The following ABCC6 variants were observed in gnomAD, a reference collection of about 807,000 sequenced individuals.
The protein encoded by ABCC6 is ATP-binding cassette sub-family C member 6.
ABCC6 carries 126 observed loss-of-function variants against 169.5 expected under a neutral mutation model. The observed-to-expected ratio is 0.74, with a 90% CI of 0.64 to 0.86. ABCC6 has a LOEUF of 0.86. Ranked by LOEUF, ABCC6 falls within the 40% of genes least tolerant of loss-of-function variation. The probability of loss-of-function intolerance (pLI) is 0.00; values close to 1 mark genes in which losing one functional copy is unlikely to be tolerated. For synonymous variants in ABCC6, 752 were observed against 814.7 expected (o/e 0.92, Z 1.31); for missense variants, 1,733 against 1,927.2 (o/e 0.90, Z 1.89).
chr16:16,159,424 T>C, intron 26 of ABCC6, 58 bp downstream of exon 26: 1 of 1,336,210 alleles, frequency 7.5e-7, no homozygotes. Flanking sequence ...CAGGGACCCA[T>C]TGCCCCCCCC....
chr16:16,193,599 AGCTACTCGAGAG>A (rs1396264470), intron 10 of ABCC6, among the ~76,000 whole-genome samples: 1 of 152,152 alleles, frequency 6.6e-6, no homozygotes, highest in East Asian at 1.9e-4. Flanking sequence ...CTGTGATCCC[AGCTACTCGAGAG>A]GCTGAGGCAG....
At chr16:16,167,629 T>C (rs1250887394) in intron 22 of ABCC6, among the ~76,000 whole-genome samples, 3 of 152,132 alleles carry the variant, frequency 2.0e-5, no homozygotes, top group Admixed American at 2.0e-4. Context: ...ACACCATGCC[T>C]GGCTAATTTT....
At chr16:16,220,138 T>C in intron 2 of ABCC6, 191 bp from the exon 3 acceptor site, 1 of 550,766 alleles carries the variant, frequency 1.8e-6, no homozygotes, top group Non-Finnish European at 3.3e-6. Context: ...TCCTGACCTG[T>C]AACTGTCATA....
intron 27 of ABCC6, chr16:16,155,585 C>T (rs1358763052): frequency 6.2e-6 from 1 of 162,350 alleles, no homozygotes; most frequent in Non-Finnish European, 1.4e-5. Context: ...CCATCCAGTC[C>T]ATCCTTCCCT....
At chr16:16,178,269 G>C (rs1311971190) in intron 18 of ABCC6, among the ~76,000 whole-genome samples, 1 of 152,116 alleles carries the variant, frequency 6.6e-6, no homozygotes, top group Non-Finnish European at 1.5e-5. Context: ...GGAGCTTCCA[G>C]TGAGCGGAGA....
intron 14 of ABCC6, among the ~76,000 whole-genome samples, chr16:16,185,973 T>G (rs1408794648): frequency 6.6e-6 from 1 of 152,196 alleles, no homozygotes; most frequent in Non-Finnish European, 1.5e-5. Context: ...CTATAACGAT[T>G]AACATGCCCA....
intron 12 of ABCC6, among the ~76,000 whole-genome samples, chr16:16,189,844 G>C (rs1032056469): frequency 1.3e-5 from 2 of 152,168 alleles, no homozygotes; most frequent in African/African-American, 4.8e-5. Flanking sequence ...CTGCTGGCCA[G>C]GATCAGGGAA....
At chr16:16,179,604 A>C (rs963025526) in intron 17 of ABCC6, among the ~76,000 whole-genome samples, 2 of 152,102 alleles carry the variant, frequency 1.3e-5, no homozygotes, top group Admixed American at 1.3e-4. Flanking sequence ...CGTTGTTATT[A>C]TTGAGATGGA....
chr16:16,199,967 G>A (rs1434222983), intron 9 of ABCC6, among the ~76,000 whole-genome samples: 2 of 151,748 alleles, frequency 1.3e-5, no homozygotes, highest in African/African-American at 4.8e-5. Context: ...ATTTGGGAGG[G>A]TGAGGCAGGA....
chr16:16,200,670 A>G (rs2152281044), intron 9 of ABCC6, among the ~76,000 whole-genome samples: 1 of 148,898 alleles, frequency 6.7e-6, no homozygotes. Context: ...GAAAGCATCA[A>G]GAGCTGCCCT....
intron 7 of ABCC6, 67 bp downstream of exon 7, chr16:16,208,661 C>T (rs1036290659): frequency 1.2e-5 from 20 of 1,612,168 alleles, no homozygotes; most frequent in African/African-American, 2.7e-5. Flanking sequence ...CGTGAGCCAC[C>T]GCACCCGGCC....
intron 11 of ABCC6, among the ~76,000 whole-genome samples, chr16:16,191,012 C>T (rs1202989481): frequency 1.3e-5 from 2 of 150,890 alleles, no homozygotes; most frequent in East Asian, 1.9e-4. Context: ...ACCAGAGGAG[C>T]GTGTGGGCAG....
chr16:16,195,614 G>C (rs890730203), intron 10 of ABCC6, among the ~76,000 whole-genome samples: 2 of 151,814 alleles, frequency 1.3e-5, no homozygotes, highest in South Asian at 4.2e-4. Context: ...TGCCCCGCCT[G>C]GTCTCATCTG....
chr16:16,164,754 C>T (rs2046825775), intron 23 of ABCC6, among the ~76,000 whole-genome samples: 1 of 152,158 alleles, frequency 6.6e-6, no homozygotes, highest in Non-Finnish European at 1.5e-5. Context: ...GGCCGACCCA[C>T]ATAGTATCTG....
intron 7 of ABCC6, among the ~76,000 whole-genome samples, chr16:16,205,907 T>C (rs1306879266): frequency 6.6e-6 from 1 of 151,996 alleles, no homozygotes; most frequent in African/African-American, 2.4e-5. Context: ...CTGCACATAC[T>C]GTTATAAAAA....
chr16:16,163,329 T>G lies in ABCC6; in HGVS notation c.3307-137A>C, dbSNP rs2046785053. On this transcript the variant is annotated intron_variant, in intron 23 of 30. Coordinates refer to ENST00000205557, the MANE Select transcript of ABCC6 (RefSeq NM_001171.6). ...GCTTACTGTGTGACCTTGGGCTAGT[T>G]GCTTGCCCTCTCTGGGTTCTCATTT... 4 of 792,274 alleles carry G rather than the reference T, an allele frequency of 5.0e-6. No homozygotes were observed. In the South Asian group the frequency reaches 6.4e-5, roughly 13 times the overall value. 49.1% of individuals were successfully genotyped at this position (792,274 alleles called of 1,614,324 possible).
At position 16,154,627 on chromosome 16, in the gene ABCC6, C is replaced by T. The variant is rs1481973160; in HGVS notation, c.4208+1G>A. ...TCCCAGCCATGGTGGGACGACCATA[C>T]CTCAGGTCCTCGCCTCGGTCAGCAC... On this transcript the variant is annotated splice_donor_variant, in intron 29 of 30. Transcript: ENST00000205557. LOFTEE classifies it high-confidence loss of function. 2 of 1,611,894 alleles carry T rather than the reference C, an allele frequency of 1.2e-6. No individual in the cohort carries two copies. The highest frequency in any genetic ancestry group is 1.7e-6 in the Non-Finnish European group (2 of 1,179,982).
chr16:16,150,163 G>A lies in ABCC6; in HGVS notation c.4482C>T (p.Tyr1494=), dbSNP rs2046345955. 5 of 1,613,248 alleles carry A rather than the reference G, an allele frequency of 3.1e-6. No homozygotes were observed. The highest frequency in any genetic ancestry group is 2.2e-5 in the East Asian group (1 of 44,878). Residue 1494 remains tyrosine (Y), a synonymous_variant, in exon 31 of 31, where the codon TAC becomes TAT. Transcript: ENST00000205557. Reference sequence around the variant, plus strand: ...CCAGGCCTGACTCCTGGGCCAGTCTGTAAAACAGGCCCTTCTGGGCCAGCA... The same window carrying A: ...CCAGGCCTGACTCCTGGGCCAGTCTATAAAACAGGCCCTTCTGGGCCAGCA... ...AQLLAQKGLF[Y]RLAQESGLV is the part of the protein sequence containing the mutation.
intron 13 of ABCC6, among the ~76,000 whole-genome samples, chr16:16,187,819 T>C (rs146334179): frequency 6.6e-6 from 1 of 152,100 alleles, no homozygotes; most frequent in East Asian, 1.9e-4. Context: ...ATCACTTGAG[T>C]CCAGGAGTTT....
Sources: allele counts gnomAD v4.1 joint callset (sites outside exome capture counted in the v4.1 genomes callset), GRCh38; gene constraint gnomAD v4.1.1; transcripts MANE v1.5; gene names NCBI Gene and HGNC (gene_info 2026-07-23, HGNC 2026-07-21).